Variants in TCAP observed in about 807,000 individuals in gnomAD.
The protein encoded by TCAP is telethonin.
TCAP carries 14 observed loss-of-function variants against 16.6 expected under a neutral mutation model. That is an observed-to-expected ratio of 0.84 (90% confidence interval 0.56 to 1.32). The LOEUF is 1.32. TCAP is among the 40% of genes most tolerant of loss of function. TCAP has a pLI of 0.00. For missense variants in TCAP, 212 were observed against 223.5 expected (o/e 0.95, Z 0.33); for synonymous variants, 97 against 93.2 (o/e 1.04, Z -0.23).
rs2145074183 is a variant in TCAP, at chr17:39,665,979, G to A, written c.374G>A (p.Gly125Asp). 1 of 1,612,852 alleles carries A rather than the reference G, an allele frequency of 6.2e-7. No homozygotes were observed. The highest frequency in any genetic ancestry group is 8.5e-7 in the Non-Finnish European group (1 of 1,179,980). ...ELLALETALG[G>D]QCVDRQEVAE... is the part of the protein sequence containing the mutation. The stretch of plus-strand genomic sequence containing the variant: ...CTGGCGCTGGAGACAGCCCTGGGTG[G>A]CCAGTGTGTGGACCGCCAGGAGGTG... Residue 125 changes from glycine to aspartate, a missense_variant, in exon 2 of 2, where the codon GGC becomes GAC. By Grantham distance (94) the Gly-to-Asp change is moderately conservative. Transcript: ENST00000309889.
chr17:39,666,420 A>C lies in TCAP; in HGVS notation c.*311A>C, dbSNP rs1031776715. On this transcript the variant is annotated 3_prime_UTR_variant, in exon 2 of 2. Transcript: ENST00000309889. ...GGAGGAGTGGCCCTGATCCAGGAAA[A>C]TGTGAGGGGAATCTGGAACGCTCTA... The C allele has an allele frequency of 8.3e-6, 4 of 481,510 alleles. No individual in the cohort carries two copies. Among genetic ancestry groups the C allele is most frequent in the Admixed American group, 3.3e-5 (1 of 30,426 alleles). The allele number at this position is 481,510 out of a possible 1,614,324, so 29.8% of individuals were successfully genotyped here.
At position 39,665,375 on chromosome 17, in the gene TCAP, C is replaced by A. The variant is rs201664428; in HGVS notation, c.16C>A (p.Leu6Met). MATSELSCEVSEENCE... is the reference protein window; with the variant it reads MATSEMSCEVSEENCE... ...AGGAGTGATCATGGCTACCTCAGAG[C>A]TGAGCTGCGAGGTGTCGGAGGAGAA... Residue 6 changes from leucine (L) to methionine (M), a missense_variant, in exon 1 of 2, where the codon CTG (leucine) becomes ATG (methionine). Transcript: ENST00000309889. 1.1e-5 allele frequency: 18 copies of A among 1,613,704 alleles called. No homozygotes were observed. Among genetic ancestry groups the A allele is most frequent in the Non-Finnish European group, 1.4e-5 (16 of 1,179,948 alleles).
chr17:39,665,915 G>A lies in TCAP; in HGVS notation c.310G>A (p.Glu104Lys), dbSNP rs2145073848. 6.2e-7 allele frequency: 1 copy of A among 1,612,886 alleles called. No homozygotes were observed. The highest frequency in any genetic ancestry group is 8.5e-7 in the Non-Finnish European group (1 of 1,179,950). Residue 104 changes from glutamate (E) to lysine (K), a missense_variant, in exon 2 of 2, where the codon GAG (glutamate) becomes AAG (lysine). Glu to Lys is a moderately conservative substitution (Grantham distance 56). Coordinates refer to ENST00000309889, the MANE Select transcript of TCAP (RefSeq NM_003673.4). The part of the protein sequence containing the change: ...FTPAKMGATK[E>K]EREDTPIQLQ... ...CCCTGCCAAGATGGGCGCCACCAAG[G>A]AGGAGCGTGAGGACACCCCCATCCA...
chr17:39,665,533 G>T, intron 1 of TCAP, 64 bp downstream of exon 1: 1 of 1,538,072 alleles, frequency 6.5e-7, no homozygotes, highest in South Asian at 1.1e-5. Flanking sequence ...GAGCCATGAG[G>T]CCAGAGCATG....
Position 39,666,439 on chromosome 17 carries a change from C to T in TCAP, c.*330C>T, listed in dbSNP as rs1030365866. 6.5e-5 allele frequency: 28 copies of T among 429,604 alleles called. No homozygotes were observed. The highest frequency in any genetic ancestry group is 9.5e-5 in the Non-Finnish European group (22 of 231,032). The allele number at this position is 429,604 out of a possible 1,614,324, so 26.6% of individuals were successfully genotyped here. A position where few individuals can be genotyped will look rare whatever the true frequency, so the allele number is the denominator to read the frequency against. ...AGGAAAATGTGAGGGGAATCTGGAA[C>T]GCTCTAGGCAGAAGAAGCTGGGAGG... On this transcript the variant is annotated 3_prime_UTR_variant, in exon 2 of 2. Coordinates refer to ENST00000309889, the MANE Select transcript of TCAP (RefSeq NM_003673.4).
rs2145074605 is a variant in TCAP, at chr17:39,666,040, T to G, written c.435T>G (p.Pro145=). The change falls in exon 2 of 2, where the codon CCT becomes CCG. Residue 145 remains proline (P), a synonymous_variant. Coordinates refer to ENST00000309889, the MANE Select transcript of TCAP (RefSeq NM_003673.4). ...CAAAGCAGCTGCCCCCTGTGGTGCC[T>G]GTCAGCAAGCCCGGTGCACTTCGTC... The part of the protein sequence containing the change: ...EITKQLPPVV[P]VSKPGALRRS... 6.2e-7 allele frequency: 1 copy of G among 1,609,568 alleles called. No individual in the cohort carries two copies. The highest frequency in any genetic ancestry group is 2.2e-5 in the East Asian group (1 of 44,880).
Position 39,665,973 on chromosome 17 carries a change from T to TG in TCAP, c.371dup (p.Gly125TrpfsTer11). ...GAGCTGCTGGCGCTGGAGACAGCCCTGGGTGGCCAGTGTGTGGACCGCCAG... is the reference window on the plus strand; with the variant it reads ...GAGCTGCTGGCGCTGGAGACAGCCCTGGGGTGGCCAGTGTGTGGACCGCCAG... On this transcript the variant is annotated frameshift_variant, in exon 2 of 2. Transcript: ENST00000309889. LOFTEE classifies it high-confidence loss of function. The TG allele has an allele frequency of 6.2e-7, 1 of 1,612,880 alleles. No individual in the cohort carries two copies. The highest frequency in any genetic ancestry group is 2.2e-5 in the East Asian group (1 of 44,888).
Position 39,666,017 on chromosome 17 carries a change from A to G in TCAP, c.412A>G (p.Lys138Glu), listed in dbSNP as rs2145074434. The change falls in exon 2 of 2, where the codon AAG (lysine) becomes GAG (glutamate). Residue 138 changes from lysine to glutamate, a missense_variant. Lys to Glu is a moderately conservative substitution (Grantham distance 56). Coordinates refer to ENST00000309889, the MANE Select transcript of TCAP (RefSeq NM_003673.4). ...VDRQEVAEIT[K>E]QLPPVVPVSK... Reference sequence around the variant, plus strand: ...CCGCCAGGAGGTGGCTGAGATCACAAAGCAGCTGCCCCCTGTGGTGCCTGT... The same window carrying G: ...CCGCCAGGAGGTGGCTGAGATCACAGAGCAGCTGCCCCCTGTGGTGCCTGT... The G allele has an allele frequency of 6.2e-7, 1 of 1,611,460 alleles. No homozygotes were observed. The highest frequency in any genetic ancestry group is 1.3e-5 in the African/African-American group (1 of 75,004).
Position 39,665,800 on chromosome 17 carries a change from CT to C in TCAP, c.196del (p.Trp66GlyfsTer2). 6.2e-7 allele frequency: 1 copy of C among 1,608,000 alleles called. No homozygotes were observed. Among genetic ancestry groups the C allele is most frequent in the South Asian group, 1.1e-5 (1 of 90,300 alleles). On this transcript the variant is annotated frameshift_variant, in exon 2 of 2. Transcript: ENST00000309889. LOFTEE classifies it high-confidence loss of function. ...QCQVLVQRSP[W>X]LMMRMGILGR... ...GCCAGGTGCTGGTGCAGCGCTCGCC[CT>C]GGCTGATGATGCGGATGGGCATCCT...
Position 39,665,965 on chromosome 17 carries a change from G to A in TCAP, c.360G>A (p.Glu120=), listed in dbSNP as rs2145074091. The A allele has an allele frequency of 6.2e-7, 1 of 1,612,944 alleles. No homozygotes were observed. The highest frequency in any genetic ancestry group is 8.5e-7 in the Non-Finnish European group (1 of 1,179,982). The stretch of plus-strand genomic sequence containing the variant: ...AGCTTCAGGAGCTGCTGGCGCTGGA[G>A]ACAGCCCTGGGTGGCCAGTGTGTGG... ...PIQLQELLAL[E]TALGGQCVDR... Residue 120 remains glutamate (E), a synonymous_variant, in exon 2 of 2, where the codon GAG becomes GAA. Coordinates refer to ENST00000309889, the MANE Select transcript of TCAP (RefSeq NM_003673.4).
Position 39,665,393 on chromosome 17 carries a change from G to C in TCAP, c.34G>C (p.Glu12Gln). Reference sequence around the variant, plus strand: ...CTCAGAGCTGAGCTGCGAGGTGTCGGAGGAGAACTGTGAGCGCCGGGAGGC... The same window carrying C: ...CTCAGAGCTGAGCTGCGAGGTGTCGCAGGAGAACTGTGAGCGCCGGGAGGC... ...ATSELSCEVS[E>Q]ENCERREAFW... Residue 12 changes from glutamate to glutamine, a missense_variant, in exon 1 of 2, where the codon GAG (glutamate) becomes CAG (glutamine). Physicochemically the swap from Glu to Gln is conservative, Grantham distance 29. Coordinates refer to ENST00000309889, the MANE Select transcript of TCAP (RefSeq NM_003673.4). The C allele has an allele frequency of 6.2e-7, 1 of 1,609,946 alleles. No individual in the cohort carries two copies.
Position 39,666,082 on chromosome 17 carries a change from C to A in TCAP, c.477C>A (p.Ser159=), listed in dbSNP as rs1445715210. The part of the protein sequence containing the change: ...PGALRRSLSR[S]MSQEAQRG ...CACTTCGTCGCTCCCTGTCCCGCTCCATGTCCCAGGAAGCACAGAGAGGCT... is the reference window on the plus strand; with the variant it reads ...CACTTCGTCGCTCCCTGTCCCGCTCAATGTCCCAGGAAGCACAGAGAGGCT... The change falls in exon 2 of 2, where the codon TCC becomes TCA. Residue 159 remains serine, a synonymous_variant. Coordinates refer to ENST00000309889, the MANE Select transcript of TCAP (RefSeq NM_003673.4). The A allele has an allele frequency of 1.2e-6, 2 of 1,601,758 alleles. No homozygotes were observed. The highest frequency in any genetic ancestry group is 1.3e-5 in the African/African-American group (1 of 74,934).
At position 39,666,431 on chromosome 17, in the gene TCAP, A is replaced by G. The variant is rs1303774805; in HGVS notation, c.*322A>G. ...CCTGATCCAGGAAAATGTGAGGGGA[A>G]TCTGGAACGCTCTAGGCAGAAGAAG... On this transcript the variant is annotated 3_prime_UTR_variant, in exon 2 of 2. Coordinates refer to ENST00000309889, the MANE Select transcript of TCAP (RefSeq NM_003673.4). 1 of 468,986 alleles carries G rather than the reference A, an allele frequency of 2.1e-6. No homozygotes were observed. Among genetic ancestry groups the G allele is most frequent in the African/African-American group, 1.9e-5 (1 of 51,402 alleles). The allele number at this position is 468,986 out of a possible 1,614,324, so 29.1% of individuals were successfully genotyped here.
chr17:39,665,866 G>T lies in TCAP; in HGVS notation c.261G>T (p.Arg87=), dbSNP rs375389509. Residue 87 remains arginine, a synonymous_variant, in exon 2 of 2, where the codon CGG becomes CGT. Coordinates refer to ENST00000309889, the MANE Select transcript of TCAP (RefSeq NM_003673.4). ...GLQEYQLPYQ[R]VLPLPIFTPA... is the part of the protein sequence containing the mutation. The stretch of plus-strand genomic sequence containing the variant: ...AGGAGTACCAGCTGCCCTACCAGCG[G>T]GTACTGCCGCTGCCCATCTTCACCC... 65 of 1,611,036 alleles carry T rather than the reference G, an allele frequency of 4.0e-5. No homozygotes were observed. Among genetic ancestry groups the T allele is most frequent in the Non-Finnish European group, 5.3e-5 (62 of 1,179,278 alleles).
In TCAP at chr17:39,666,101, A is replaced by G. The variant is rs1321654718; in HGVS notation, c.496A>G (p.Arg166Gly). Reference protein sequence around the residue: ...LSRSMSQEAQRG With the variant: ...LSRSMSQEAQGG ...CCGCTCCATGTCCCAGGAAGCACAGAGAGGCTGAGAGGGACTGTGACTTGG... is the reference window on the plus strand; with the variant it reads ...CCGCTCCATGTCCCAGGAAGCACAGGGAGGCTGAGAGGGACTGTGACTTGG... Residue 166 changes from arginine to glycine, a missense_variant, in exon 2 of 2, where the codon AGA (arginine) becomes GGA (glycine). Coordinates refer to ENST00000309889, the MANE Select transcript of TCAP (RefSeq NM_003673.4). 1 of 1,599,914 alleles carries G rather than the reference A, an allele frequency of 6.3e-7. No individual in the cohort carries two copies. Among genetic ancestry groups the G allele is most frequent in the African/African-American group, 1.3e-5 (1 of 74,926 alleles).
At position 39,666,235 on chromosome 17, in the gene TCAP, G is replaced by C; in HGVS notation, c.*126G>C. On this transcript the variant is annotated 3_prime_UTR_variant, in exon 2 of 2. Coordinates refer to ENST00000309889, the MANE Select transcript of TCAP (RefSeq NM_003673.4). ...GCCCAGAGTTGGGGGCTAGGGGAGGGGGGAGCCAGAGGCCAGGATGCCTGA... is the reference window on the plus strand; with the variant it reads ...GCCCAGAGTTGGGGGCTAGGGGAGGCGGGAGCCAGAGGCCAGGATGCCTGA... 7 of 1,306,912 alleles carry C rather than the reference G, an allele frequency of 5.4e-6. No individual in the cohort carries two copies. The highest frequency in any genetic ancestry group is 1.5e-5 in the African/African-American group (1 of 68,802). The allele number at this position is 1,306,912 out of a possible 1,614,324, so 81.0% of individuals were successfully genotyped here. A position where few individuals can be genotyped will look rare whatever the true frequency, so the allele number is the denominator to read the frequency against.
Position 39,666,026 on chromosome 17 carries a change from C to G in TCAP, c.421C>G (p.Pro141Ala), listed in dbSNP as rs45509691. Reference sequence around the variant, plus strand: ...GGTGGCTGAGATCACAAAGCAGCTGCCCCCTGTGGTGCCTGTCAGCAAGCC... The same window carrying G: ...GGTGGCTGAGATCACAAAGCAGCTGGCCCCTGTGGTGCCTGTCAGCAAGCC... ...QEVAEITKQL[P>A]PVVPVSKPGA... Residue 141 changes from proline (P) to alanine (A), a missense_variant, in exon 2 of 2, where the codon CCC (proline) becomes GCC (alanine). Transcript: ENST00000309889. 5.8e-5 allele frequency: 94 copies of G among 1,610,684 alleles called. No homozygotes were observed. The highest frequency in any genetic ancestry group is 7.5e-5 in the Non-Finnish European group (88 of 1,179,928).
At chr17:39,665,652 C>A (rs2057249070) in intron 1 of TCAP, 64 bp from the exon 2 acceptor site, 2 of 1,548,892 alleles carry the variant, frequency 1.3e-6, no homozygotes, top group African/African-American at 2.7e-5. Context: ...GGGGAGCCCC[C>A]CACCCAGCCT....
chr17:39,665,462 G>T lies in TCAP; in HGVS notation c.103G>T (p.Glu35Ter), dbSNP rs779699520. Residue 35 changes from glutamate (E) to a stop codon, truncating the protein, a stop_gained, in exon 1 of 2, where the codon GAG (glutamate) becomes TAG (stop). Transcript: ENST00000309889. LOFTEE classifies it high-confidence loss of function. ...GGATCTGACACTGTCCACACGGCCC[G>T]AGGAGGGGTGAGTGTGGGTCTGCTA... Reference protein sequence around the residue: ...WKDLTLSTRPEEGCSLHEEDT... With the variant: ...WKDLTLSTRP The T allele has an allele frequency of 1.2e-6, 2 of 1,613,026 alleles. No homozygotes were observed. Among genetic ancestry groups the T allele is most frequent in the East Asian group, 4.5e-5 (2 of 44,864 alleles).
Sources: gnomAD v4.1 joint callset for allele counts on GRCh38, gnomAD v4.1.1 for gene constraint, MANE v1.5 for transcripts, NCBI Gene and HGNC (gene_info 2026-07-23, HGNC 2026-07-21) for gene names.